PNCK: variants seen among roughly 807,000 people sequenced by gnomAD.
PNCK encodes the protein calcium/calmodulin-dependent protein kinase type 1B.
In PNCK, 21 loss-of-function variants were observed where a neutral mutation model predicts 28.3. That is an observed-to-expected ratio of 0.74 (90% confidence interval 0.53 to 1.07). The LOEUF is 1.07. PNCK is among the 50% of genes least tolerant of loss of function. The pLI is 0.00. For missense variants in PNCK, 250 were observed against 298.3 expected, an observed-to-expected ratio of 0.84 and a Z score of 1.19; for synonymous variants, 136 against 125.2, an observed-to-expected ratio of 1.09 and a Z score of -0.58.
chrX:153,680,377 C>T (rs2091389968), intron 1 of PNCK, among the ~76,000 whole-genome samples: 1 of 106,108 alleles, frequency 9.4e-6, no homozygotes, highest in Non-Finnish European at 1.9e-5. Context: ...CACCCTCACT[C>T]TCTTGCTCCC....
chrX:153,675,987 CT>C (rs59527995), upstream of PNCK, among the ~76,000 whole-genome samples: 890 of 79,918 alleles, frequency 0.011, 5 homozygotes, highest in African/African-American at 0.023. Context: ...TTTTTCTTTT[CT>C]TTTTTTTTTT....
At chrX:153,685,097 A>T (rs980925134) in intron 1 of PNCK, among the ~76,000 whole-genome samples, 2 of 105,065 alleles carry the variant, frequency 1.9e-5, no homozygotes, top group Non-Finnish European at 3.9e-5. Flanking sequence ...TTCAGTGAGT[A>T]GAACACAAGG....
rs782154493 is a variant in PNCK at position 153,671,322 on chromosome X, C to T, written c.577G>A (p.Val193Ile). 4.5e-5 allele frequency: 55 copies of T among 1,209,743 alleles called. No individual in the cohort carries two copies. Among genetic ancestry groups the T allele is most frequent in the East Asian group, 5.9e-5 (2 of 33,760 alleles). ...LLEQKPYGKA[V>I]DVWALGVISY... The stretch of plus-strand genomic sequence containing the variant: ...ATGACGCCCAGGGCCCACACATCTA[C>T]GGCCTTCCCGTAGGGTTTCTGCTCC... The change falls in exon 7 of 12, where the codon GTA (valine) becomes ATA (isoleucine). Residue 193 changes from valine (V) to isoleucine (I), a missense_variant. Coordinates refer to ENST00000340888, the MANE Select transcript of PNCK (RefSeq NM_001366977.1).
intron 1 of PNCK, among the ~76,000 whole-genome samples, chrX:153,685,214 C>A (rs1209896125): frequency 9.0e-6 from 1 of 110,885 alleles, no homozygotes; most frequent in African/African-American, 3.3e-5. Context: ...GCAGCTGCTG[C>A]CCCCGGGCCG....
At chrX:153,675,441 G>A (rs782763029), upstream of PNCK, among the ~76,000 whole-genome samples, 6 of 112,160 alleles carry the variant, frequency 5.3e-5, no homozygotes, top group African/African-American at 1.6e-4. Context: ...ATTGGTCCAC[G>A]AGGTGACTCA....
In PNCK at chrX:153,670,933, G is replaced by T; in HGVS notation, c.791C>A (p.Ala264Asp). Residue 264 changes from alanine (A) to aspartate (D), a missense_variant, in exon 9 of 12, where the codon GCC (alanine) becomes GAC (aspartate). Physicochemically the swap from Ala to Asp is moderately radical, Grantham distance 126. Transcript: ENST00000340888. ...TCCCACTCACCAAAGGTGCCGCAAG[G>T]CCTGTTGGCAGGTGAACCTCTTCTG... ...DPQKRFTCQQ[A>D]LRHLWISGDT... The T allele has an allele frequency of 1.6e-6, 2 of 1,212,349 alleles. No homozygotes were observed. The highest frequency in any genetic ancestry group is 2.2e-6 in the Non-Finnish European group (2 of 895,599).
At chrX:153,684,753 G>C (rs1557042903) in intron 1 of PNCK, among the ~76,000 whole-genome samples, 1 of 99,509 alleles carries the variant, frequency 1.0e-5, no homozygotes, top group African/African-American at 3.8e-5. Flanking sequence ...CCCTAGGCTT[G>C]AGTGGGCGCT....
intron 1 of PNCK, 142 bp from the exon 2 acceptor site, chrX:153,673,220 AC>A: frequency 8.5e-7 from 1 of 1,171,764 alleles, no homozygotes; most frequent in Non-Finnish European, 1.1e-6. Flanking sequence ...CCAGGTCCAC[AC>A]CCCCAGACGG....
chrX:153,670,957 T>C lies in PNCK; in HGVS notation c.767A>G (p.Gln256Arg). 8.3e-7 allele frequency: 1 copy of C among 1,211,921 alleles called. No individual in the cohort carries two copies. Among genetic ancestry groups the C allele is most frequent in the Non-Finnish European group, 1.1e-6 (1 of 895,487 alleles). The change falls in exon 9 of 12, where the codon CAG becomes CGG. Residue 256 changes from glutamine (Q) to arginine (R), a missense_variant. Gln to Arg is a conservative substitution (Grantham distance 43). Transcript: ENST00000340888. ...GGCCTGTTGGCAGGTGAACCTCTTC[T>C]GGGGGTCTCGCTCCAGAAGGTGCCG... is the stretch of plus-strand genomic sequence containing the variant. ...FIRHLLERDP[Q>R]KRFTCQQALR... is the part of the protein sequence containing the mutation.
chrX:153,672,778 G>C, intron 2 of PNCK, 81 bp from the exon 3 acceptor site: 3 of 1,084,425 alleles, frequency 2.8e-6, no homozygotes, highest in Non-Finnish European at 3.7e-6. Flanking sequence ...GGAGCGGGGA[G>C]GGCCCCCTGT....
rs1286264111 is a variant in PNCK, at chrX:153,671,978, C to T, written c.316G>A (p.Gly106Ser). Residue 106 changes from glycine (G) to serine (S), a missense_variant, in exon 5 of 12, where the codon GGC (glycine) becomes AGC (serine). Gly to Ser is a moderately conservative substitution (Grantham distance 56, BLOSUM62 0). Coordinates refer to ENST00000340888, the MANE Select transcript of PNCK (RefSeq NM_001366977.1). ...GELFDRIMER[G>S]SYTEKDASHL... ...CTGGCATCCTTCTCTGTGTAGGAGCCGCGCTCCATGATGCGGTCAAACAGC... is the reference window on the plus strand; with the variant it reads ...CTGGCATCCTTCTCTGTGTAGGAGCTGCGCTCCATGATGCGGTCAAACAGC... The T allele has an allele frequency of 2.5e-6, 3 of 1,209,372 alleles. No homozygotes were observed. The highest frequency in any genetic ancestry group is 3.4e-6 in the Non-Finnish European group (3 of 895,104).
At position 153,671,097 on chromosome X, in the gene PNCK, C is replaced by A. The variant is rs2091291524; in HGVS notation, c.708G>T (p.Trp236Cys). The A allele has an allele frequency of 8.3e-7, 1 of 1,210,478 alleles. No individual in the cohort carries two copies. Among genetic ancestry groups the A allele is most frequent in the African/African-American group, 1.7e-5 (1 of 57,219 alleles). Residue 236 changes from tryptophan to cysteine, a missense_variant, in exon 8 of 12, where the codon TGG becomes TGT. Trp to Cys is a radical substitution (Grantham distance 215, BLOSUM62 -2). Transcript: ENST00000340888. ...RASYEFDSPF[W>C]DDISESAKDF... ...GCTCACCTGATTCTGAGATGTCATC[C>A]CAGAAAGGAGAGTCAAACTCATAGC...
intron 1 of PNCK, among the ~76,000 whole-genome samples, chrX:153,683,555 G>C: frequency 9.0e-6 from 1 of 110,763 alleles, no homozygotes. Flanking sequence ...GCGATTTCCG[G>C]CTAACTTTTG....
chrX:153,670,686 G>C (rs868936698), intron 10 of PNCK, 58 bp downstream of exon 10: 1 of 1,188,230 alleles, frequency 8.4e-7, no homozygotes, highest in African/African-American at 1.7e-5. Flanking sequence ...CAGCCACGGC[G>C]ATCAGGCTAC....
upstream of PNCK, among the ~76,000 whole-genome samples, chrX:153,676,744 A>T (rs1002592102): frequency 9.1e-6 from 1 of 109,977 alleles, no homozygotes; most frequent in Non-Finnish European, 1.9e-5. Context: ...CACGCCTGTA[A>T]TCCCAACTAC....
intron 1 of PNCK, among the ~76,000 whole-genome samples, chrX:153,684,467 C>T (rs1243175545): frequency 9.1e-6 from 1 of 109,904 alleles, no homozygotes; most frequent in African/African-American, 3.3e-5. Context: ...TGCCCTGCTG[C>T]AGGCCCTCGC....
upstream of PNCK, among the ~76,000 whole-genome samples, chrX:153,677,714 AGTGCATATATATAGTGTATATATAGT>A (rs2091375769): frequency 1.0e-5 from 1 of 96,814 alleles, no homozygotes; most frequent in African/African-American, 4.3e-5. Flanking sequence ...GTATATATAT[AGTGCATATATATAGTGTATATATAGT>A]GTGTATATAT....
At chrX:153,687,284 C>T (rs1644339079) in intron 1 of PNCK, 4 of 276,570 alleles carry the variant, frequency 1.4e-5, no homozygotes, top group South Asian at 1.3e-4. Flanking sequence ...AGTCCGAAGC[C>T]CCTACCCACT....
upstream of PNCK, among the ~76,000 whole-genome samples, chrX:153,678,835 CT>C (rs55925645): frequency 0.22 from 21,258 of 94,915 alleles, 2,921 homozygotes; most frequent in African/African-American, 0.49. Flanking sequence ...CGTTTTCTGT[CT>C]TTTTTTTTTT....
Sources: allele counts gnomAD v4.1 joint callset (sites outside exome capture counted in the v4.1 genomes callset), GRCh38; gene constraint gnomAD v4.1.1; transcripts MANE v1.5; gene names NCBI Gene and HGNC (gene_info 2026-07-23, HGNC 2026-07-21).